PFKM: variants seen among roughly 807,000 people sequenced by gnomAD.
PFKM encodes the protein ATP-dependent 6-phosphofructokinase, muscle type.
Under a neutral mutation model 95.5 loss-of-function variants are expected in PFKM, and 58 were observed. The observed-to-expected ratio is 0.61, with a 90% CI of 0.49 to 0.76. The LOEUF is 0.76. Ranked by LOEUF, PFKM falls within the 30% of genes least tolerant of loss-of-function variation. The pLI is 0.00. For synonymous variants in PFKM, 336 were observed against 357.2 expected (o/e 0.94, Z 0.67); for missense variants, 678 against 1,005.4 (o/e 0.67, Z 4.40).
intron 11 of PFKM, among the ~76,000 whole-genome samples, chr12:48,138,908 C>T (rs1950337065): frequency 6.6e-6 from 1 of 152,146 alleles, no homozygotes; most frequent in Non-Finnish European, 1.5e-5. Context: ...GGTGTGGTTG[C>T]ACACGCCTAT....
At chr12:48,113,900 T>G (rs914176699) in intron 3 of PFKM, among the ~76,000 whole-genome samples, 6 of 152,104 alleles carry the variant, frequency 3.9e-5, no homozygotes, top group Non-Finnish European at 8.8e-5. Context: ...GGGTCTAGGG[T>G]GGTAAAGCGT....
At chr12:48,106,128 G>A (rs1416719745) in exon 1 of PFKM, 3 of 702,534 alleles carry the variant, frequency 4.3e-6, no homozygotes, top group East Asian at 2.7e-5. Context: ...AGCACCGGAA[G>A]AGTCGCTAGG....
At position 48,122,621 on chromosome 12, in the gene PFKM, T is replaced by C. The variant is rs1345893850; in HGVS notation, c.-8-146T>C. The C allele has an allele frequency of 3.3e-6, 5 of 1,497,054 alleles. No homozygotes were observed. The African/African-American group carries it at 6.9e-5, about 21-fold the overall frequency. 92.7% of individuals were successfully genotyped at this position (1,497,054 alleles called of 1,614,324 possible). A position where few individuals can be genotyped will look rare whatever the true frequency, so the allele number is the denominator to read the frequency against. ...GGGTGTGGCTTTCCTCTGGAAGAAGTCCAAAGCTCTCAGGCTGCAAAGCTC... is the reference window on the plus strand; with the variant it reads ...GGGTGTGGCTTTCCTCTGGAAGAAGCCCAAAGCTCTCAGGCTGCAAAGCTC... On this transcript the variant is annotated intron_variant, in intron 1 of 22. Transcript: ENST00000359794.
chr12:48,141,528 A>G, intron 15 of PFKM, 147 bp downstream of exon 15: 2 of 780,668 alleles, frequency 2.6e-6, no homozygotes, highest in Non-Finnish European at 4.5e-6. Context: ...GAGGGCAGAC[A>G]TGCCCATCTC....
intron 3 of PFKM, among the ~76,000 whole-genome samples, chr12:48,110,173 G>A (rs1947057450): frequency 6.6e-6 from 1 of 152,162 alleles, no homozygotes; most frequent in Admixed American, 6.5e-5. Flanking sequence ...CATTAGCCAG[G>A]CAAAGAGAGA....
chr12:48,119,201 GGAGGAGGAA>G, upstream of PFKM: 1 of 818,830 alleles, frequency 1.2e-6, no homozygotes, highest in Non-Finnish European at 1.5e-6. Context: ...GTACTTAGGG[GGAGGAGGAA>G]GAGGAGGAGA....
In PFKM at chr12:48,145,200, C is replaced by T. The variant is rs758442966; in HGVS notation, c.2093-10C>T. 1 of 1,613,540 alleles carries T rather than the reference C, an allele frequency of 6.2e-7. No individual in the cohort carries two copies. Among genetic ancestry groups the T allele is most frequent in the Non-Finnish European group, 8.5e-7 (1 of 1,179,562 alleles). ...CAGTATAGAAGCTGACTGCCCATCC[C>T]TCATTGCAGGGCGGATCTTTGCCAA... On this transcript the variant is annotated splice_polypyrimidine_tract_variant and intron_variant, in intron 21 of 22. Transcript: ENST00000359794. The surrounding 1 kb of genome is among the most constrained non-coding windows in gnomAD (Gnocchi z 4.3).
At position 48,133,295 on chromosome 12, in the gene PFKM, G is replaced by C. The variant is rs1001434893; in HGVS notation, c.428-20G>C. 2 of 1,612,648 alleles carry C rather than the reference G, an allele frequency of 1.2e-6. No homozygotes were observed. Among genetic ancestry groups the C allele is most frequent in the Non-Finnish European group, 1.7e-6 (2 of 1,178,802 alleles). The stretch of plus-strand genomic sequence containing the variant: ...CCAGGTGCCTCACCCAGTGGCTCCT[G>C]GTTTGCTTCTCATTGTCAGGTAAGA... On this transcript the variant is annotated intron_variant, in intron 5 of 22. Coordinates refer to ENST00000359794, the MANE Select transcript of PFKM (RefSeq NM_000289.6).
chr12:48,112,212 A>G (rs1947254373), intron 3 of PFKM, among the ~76,000 whole-genome samples: 1 of 152,158 alleles, frequency 6.6e-6, no homozygotes, highest in African/African-American at 2.4e-5. Context: ...AGGAGCGGCG[A>G]AAGGATTTAG....
At chr12:48,131,260 T>C in intron 3 of PFKM, 56 bp from the exon 4 acceptor site, 1 of 1,212,334 alleles carries the variant, frequency 8.2e-7, no homozygotes, top group Non-Finnish European at 1.2e-6. Flanking sequence ...CCTGTCTTAA[T>C]CTTGGGAATT....
At chr12:48,107,100 C>G (rs538668226) in intron 1 of PFKM, among the ~76,000 whole-genome samples, 10 of 152,282 alleles carry the variant, frequency 6.6e-5, no homozygotes, top group African/African-American at 2.4e-4. Context: ...GCCACAGGCA[C>G]AGTCTGAGCT....
chr12:48,142,012 C>T lies in PFKM; in HGVS notation c.1599C>T (p.Val533=), dbSNP rs1308260209. Residue 533 remains valine (V), a synonymous_variant, in exon 17 of 23, where the codon GTC becomes GTT. Transcript: ENST00000359794. ...VVIPATVSNN[V]PGSDFSVGAD... ...TTCCTGCTACAGTCTCCAACAATGT[C>T]CCTGGCTCAGACTTCAGCGTTGGGG... is the stretch of plus-strand genomic sequence containing the variant. The T allele has an allele frequency of 6.2e-7, 1 of 1,613,998 alleles. No individual in the cohort carries two copies. The highest frequency in any genetic ancestry group is 8.5e-7 in the Non-Finnish European group (1 of 1,179,972).
chr12:48,105,543 G>A, upstream of PFKM: 1 of 508,442 alleles, frequency 2.0e-6, no homozygotes, highest in Non-Finnish European at 3.9e-6. Flanking sequence ...AGGAGAGTTG[G>A]AGAAATGTTT....
In PFKM at chr12:48,145,835, A is replaced by G; in HGVS notation, c.*127A>G. On this transcript the variant is annotated 3_prime_UTR_variant, in exon 23 of 23. Coordinates refer to ENST00000359794, the MANE Select transcript of PFKM (RefSeq NM_000289.6). This position sits in a 1 kb window ranked among gnomAD's most constrained non-coding sequence, Gnocchi z 4.3. ...TCCTTTTATTCTGTACCTTGCAGCC[A>G]TGACCAGTTCTGGCCAGGAGCTGGA... 1.9e-6 allele frequency: 2 copies of G among 1,075,456 alleles called. No homozygotes were observed. Among genetic ancestry groups the G allele is most frequent in the Non-Finnish European group, 2.8e-6 (2 of 717,580 alleles). 66.6% of individuals were successfully genotyped at this position (1,075,456 alleles called of 1,614,324 possible). A position where few individuals can be genotyped will look rare whatever the true frequency, so the allele number is the denominator to read the frequency against.
At chr12:48,111,567 A>G (rs1947188778) in intron 3 of PFKM, among the ~76,000 whole-genome samples, 1 of 152,222 alleles carries the variant, frequency 6.6e-6, no homozygotes, top group East Asian at 1.9e-4. Context: ...GAGGTAGTGG[A>G]GCGGGGAAGA....
chr12:48,142,487 C>T (rs1323584867), intron 17 of PFKM: 2 of 465,706 alleles, frequency 4.3e-6, no homozygotes, highest in African/African-American at 4.0e-5. Flanking sequence ...AGAAATGCAC[C>T]AGTACCCTGA....
At chr12:48,121,799 A>G (rs1948309921) in intron 1 of PFKM, among the ~76,000 whole-genome samples, 2 of 152,208 alleles carry the variant, frequency 1.3e-5, no homozygotes, top group South Asian at 4.1e-4. Flanking sequence ...AAGGAAGATA[A>G]TAAGAAGGGA....
At chr12:48,135,161 CT>C in intron 9 of PFKM, 123 bp downstream of exon 9, 1 of 1,100,246 alleles carries the variant, frequency 9.1e-7, no homozygotes, top group Non-Finnish European at 1.4e-6. Flanking sequence ...TTCCCTGCCC[CT>C]GATTGCCTCC....
At chr12:48,122,967 G>A in intron 2 of PFKM, 108 bp downstream of exon 2, 1 of 1,159,920 alleles carries the variant, frequency 8.6e-7, no homozygotes, top group Non-Finnish European at 1.3e-6. Flanking sequence ...GGAATTTTGG[G>A]CTTTGCTAAA....
Sources: gnomAD v4.1 joint callset for allele counts (sites outside exome capture counted in the v4.1 genomes callset) on GRCh38, gnomAD v4.1.1 for gene constraint, Gnocchi (gnomAD v3.1) non-coding constraint, MANE v1.5 for transcripts, NCBI Gene and HGNC (gene_info 2026-07-23, HGNC 2026-07-21) for gene names.